IMMP2L: variants seen among roughly 807,000 people sequenced by gnomAD.
The protein encoded by IMMP2L is inner mitochondrial membrane peptidase subunit 2, also known as mitochondrial inner membrane protease subunit 2.
A neutral mutation model predicts 19.3 loss-of-function variants in IMMP2L; 18 were observed. The observed-to-expected ratio is 0.93, with a 90% CI of 0.64 to 1.38. The LOEUF (loss-of-function observed/expected upper bound fraction) is 1.38, where lower values mean the gene tolerates loss of function less well. Ranked by LOEUF, IMMP2L falls within the 40% of genes most tolerant of loss-of-function variation. The pLI is 0.00. For synonymous variants in IMMP2L, 76 were observed against 73.0 expected (o/e 1.04, Z -0.21); for missense variants, 233 against 218.2 (o/e 1.07, Z -0.43).
At chr7:110,725,247 T>C (rs1222607824) in intron 5 of IMMP2L, among the ~76,000 whole-genome samples, 1 of 152,204 alleles carries the variant, frequency 6.6e-6, no homozygotes, top group Non-Finnish European at 1.5e-5. Flanking sequence ...AAAAGTGGAA[T>C]CCAGGCTTTC....
intron 3 of IMMP2L, among the ~76,000 whole-genome samples, chr7:111,209,179 C>T (rs761889686): frequency 1.3e-5 from 2 of 151,980 alleles, no homozygotes; most frequent in African/African-American, 2.4e-5. Context: ...ATCACGATCA[C>T]GAGGTCAGCA....
intron 5 of IMMP2L, among the ~76,000 whole-genome samples, chr7:110,792,622 C>T (rs539273184): frequency 3.3e-5 from 5 of 152,100 alleles, no homozygotes; most frequent in East Asian, 1.9e-4. Flanking sequence ...ATGTCTTTCA[C>T]GCTGCTTGCA....
At chr7:110,873,087 T>C (rs1808691122) in intron 5 of IMMP2L, among the ~76,000 whole-genome samples, 1 of 152,156 alleles carries the variant, frequency 6.6e-6, no homozygotes. Context: ...TCCATTTTAT[T>C]ATTATTTTCT....
At chr7:111,220,848 C>T (rs975602587) in intron 3 of IMMP2L, among the ~76,000 whole-genome samples, 10 of 151,856 alleles carry the variant, frequency 6.6e-5, no homozygotes, top group East Asian at 1.9e-4. Context: ...CCAGGGGAAC[C>T]GAGGGCAAGA....
chr7:110,797,554 G>C (rs1800941812), intron 5 of IMMP2L, among the ~76,000 whole-genome samples: 1 of 152,020 alleles, frequency 6.6e-6, no homozygotes, highest in Non-Finnish European at 1.5e-5. Context: ...TTAACTAAGA[G>C]AAGAGGCAAT....
chr7:110,732,923 C>T (rs1584648974), intron 5 of IMMP2L, among the ~76,000 whole-genome samples: 1 of 151,902 alleles, frequency 6.6e-6, no homozygotes, highest in African/African-American at 2.4e-5. Context: ...ACAGCTAGGA[C>T]TATAGGCACC....
intron 3 of IMMP2L, among the ~76,000 whole-genome samples, chr7:111,354,047 A>G (rs1294949611): frequency 6.6e-6 from 1 of 152,112 alleles, no homozygotes; most frequent in Non-Finnish European, 1.5e-5. Flanking sequence ...TGTAAAATCA[A>G]TAAAGAGTAG....
chr7:111,269,337 A>G (rs1584373362), intron 3 of IMMP2L, among the ~76,000 whole-genome samples: 1 of 152,208 alleles, frequency 6.6e-6, no homozygotes. Context: ...ATATAGAAAG[A>G]CATTATTCAT....
chr7:111,511,408 G>A (rs1845426483), intron 2 of IMMP2L, among the ~76,000 whole-genome samples: 1 of 152,070 alleles, frequency 6.6e-6, no homozygotes, highest in African/African-American at 2.4e-5. Context: ...ACTTTGGGAG[G>A]CTGAAACGGG....
chr7:110,703,304 T>G (rs1444084612), intron 5 of IMMP2L, among the ~76,000 whole-genome samples: 2 of 151,948 alleles, frequency 1.3e-5, no homozygotes, highest in African/African-American at 4.8e-5. Context: ...CATATTATCC[T>G]TTTTTTTAAT....
At chr7:111,410,319 A>T (rs1017541160) in intron 3 of IMMP2L, among the ~76,000 whole-genome samples, 12 of 151,762 alleles carry the variant, frequency 7.9e-5, no homozygotes, top group Non-Finnish European at 2.9e-5. Flanking sequence ...ATAGCCTTGA[A>T]ATGAGCAGGC....
chr7:111,179,234 CAAT>C (rs1190517377), intron 3 of IMMP2L, among the ~76,000 whole-genome samples: 1 of 151,914 alleles, frequency 6.6e-6, no homozygotes, highest in Non-Finnish European at 1.5e-5. Flanking sequence ...TAGGTCTCAA[CAAT>C]GGGTTTAAAA....
intron 3 of IMMP2L, among the ~76,000 whole-genome samples, chr7:110,996,265 T>A (rs1389017701): frequency 6.6e-6 from 1 of 152,102 alleles, no homozygotes; most frequent in African/African-American, 2.4e-5. Flanking sequence ...GTAAGAAGGC[T>A]TAAACAGCAA....
chr7:110,821,824 G>A (rs992445517), intron 5 of IMMP2L, among the ~76,000 whole-genome samples: 34 of 152,228 alleles, frequency 2.2e-4, no homozygotes, highest in African/African-American at 7.9e-4. Flanking sequence ...TTGGAAGGCT[G>A]AGGCAGGAGA....
intron 3 of IMMP2L, among the ~76,000 whole-genome samples, chr7:111,172,436 G>A (rs1381783535): frequency 6.6e-6 from 1 of 151,442 alleles, no homozygotes; most frequent in Non-Finnish European, 1.5e-5. Flanking sequence ...AACGTGTAAT[G>A]ATCAAACAGG....
At chr7:111,487,792 C>T (rs914928245) in intron 2 of IMMP2L, among the ~76,000 whole-genome samples, 2 of 152,036 alleles carry the variant, frequency 1.3e-5, no homozygotes, top group African/African-American at 4.8e-5. Context: ...ATATGAAAAA[C>T]TGAAGGGGGC....
At chr7:111,295,717 T>C (rs1221637795) in intron 3 of IMMP2L, among the ~76,000 whole-genome samples, 4 of 151,848 alleles carry the variant, frequency 2.6e-5, no homozygotes, top group Non-Finnish European at 5.9e-5. Flanking sequence ...ACAAGTAAAA[T>C]TTATATATAT....
At chr7:110,815,026 A>C (rs985627383) in intron 5 of IMMP2L, among the ~76,000 whole-genome samples, 4 of 152,074 alleles carry the variant, frequency 2.6e-5, no homozygotes, top group African/African-American at 9.7e-5. Context: ...AGATGCCGAG[A>C]GAGGGCTCTA....
chr7:111,334,784 C>G (rs1165516074), intron 3 of IMMP2L, among the ~76,000 whole-genome samples: 1 of 152,042 alleles, frequency 6.6e-6, no homozygotes, highest in African/African-American at 2.4e-5. Flanking sequence ...TACCAGACTA[C>G]TAAAATTATT....
Sources: allele counts gnomAD v4.1 joint callset (sites outside exome capture counted in the v4.1 genomes callset), GRCh38; gene constraint gnomAD v4.1.1; transcripts MANE v1.5; gene names NCBI Gene and HGNC (gene_info 2026-07-23, HGNC 2026-07-21).